The following CHRND variants were observed in gnomAD, a reference collection of about 807,000 sequenced individuals.
CHRND encodes the protein cholinergic receptor nicotinic delta subunit.
In CHRND, 40 loss-of-function variants were observed where a neutral mutation model predicts 57.8. The ratio of observed to expected loss-of-function variants is 0.69; its 90% CI spans 0.54 to 0.90. The LOEUF (loss-of-function observed/expected upper bound fraction) is 0.90, where lower values mean the gene tolerates loss of function less well. CHRND is among the 40% of genes least tolerant of loss of function. The probability of loss-of-function intolerance (pLI) is 0.00; values close to 1 mark genes in which losing one functional copy is unlikely to be tolerated. For synonymous variants in CHRND, 237 were observed against 270.6 expected (o/e 0.88, Z 1.22); for missense variants, 634 against 673.9 (o/e 0.94, Z 0.66).
intron 7 of CHRND, 136 bp downstream of exon 7, chr2:232,530,275 G>T (rs1691640039): frequency 1.1e-6 from 1 of 936,400 alleles, no homozygotes; most frequent in African/African-American, 1.6e-5. Context: ...CTGGATCCAG[G>T]TGTGAGGGCC....
Position 232,528,664 on chromosome 2 carries a change from C to G in CHRND, c.509+8C>G. 6.2e-7 allele frequency: 1 copy of G among 1,613,770 alleles called. No individual in the cohort carries two copies. The highest frequency in any genetic ancestry group is 8.5e-7 in the Non-Finnish European group (1 of 1,180,038). ...CTGCTCCCTCAAGTTCAGGTGTGCC[C>G]TTTTCTCCAGCCACCCCTCACCCCA... On this transcript the variant is annotated splice_region_variant and intron_variant, in intron 5 of 11. Coordinates refer to ENST00000258385, the MANE Select transcript of CHRND (RefSeq NM_000751.3).
chr2:232,528,196 A>G (rs1266428632), intron 3 of CHRND, 66 bp from the exon 4 acceptor site: 1 of 1,444,368 alleles, frequency 6.9e-7, no homozygotes, highest in Non-Finnish European at 9.7e-7. Context: ...TCTCTCAGGG[A>G]AGTGGGGGGA....
rs1198916459 is a variant in CHRND, at chr2:232,531,386, C to G, written c.855C>G (p.Leu285=). Residue 285 remains leucine, a synonymous_variant, in exon 8 of 12, where the codon CTC becomes CTG. Coordinates refer to ENST00000258385, the MANE Select transcript of CHRND (RefSeq NM_000751.3). ...GEKTSVAISV[L]LAQSVFLLLI... ...AGACATCAGTGGCCATCTCGGTGCT[C>G]CTGGCTCAGTCTGTCTTCCTGCTGC... 4 of 1,613,772 alleles carry G rather than the reference C, an allele frequency of 2.5e-6. No homozygotes were observed. In the Admixed American group the frequency reaches 6.7e-5, roughly 27 times the overall value.
Position 232,534,045 on chromosome 2 carries a change from G to T in CHRND, c.1162G>T (p.Glu388Ter), listed in dbSNP as rs145920855. 1 of 1,614,124 alleles carries T rather than the reference G, an allele frequency of 6.2e-7. No homozygotes were observed. The highest frequency in any genetic ancestry group is 8.5e-7 in the Non-Finnish European group (1 of 1,180,042). The change falls in exon 10 of 12, where the codon GAG (glutamate) becomes TAG (stop). Residue 388 changes from glutamate (E) to a stop codon, truncating the protein, a stop_gained. Transcript: ENST00000258385. LOFTEE classifies it high-confidence loss of function. ...SSSLGYISKA[E>*]EYFLLKSRSD... ...CTCCCTGGGATACATCTCCAAGGCC[G>T]AGGAGTACTTCCTGCTCAAGTCCCG...
In CHRND at chr2:232,530,151, G is replaced by C; in HGVS notation, c.820+12G>C. ...CCTACCGGCTGACAGTGAGCCTCCA[G>C]GCCCCGTCCCCTGCTCCCCCTCCCC... On this transcript the variant is annotated intron_variant, in intron 7 of 11. Coordinates refer to ENST00000258385, the MANE Select transcript of CHRND (RefSeq NM_000751.3). 1 of 1,613,696 alleles carries C rather than the reference G, an allele frequency of 6.2e-7. No homozygotes were observed. Among genetic ancestry groups the C allele is most frequent in the Non-Finnish European group, 8.5e-7 (1 of 1,179,846 alleles).
At chr2:232,530,301 G>A (rs1691641775) in intron 7 of CHRND, among the ~76,000 whole-genome samples, 162 bp downstream of exon 7, 1 of 152,196 alleles carries the variant, frequency 6.6e-6, no homozygotes, top group Non-Finnish European at 1.5e-5. Context: ...GCCACCCAGA[G>A]GGAGGGCTGT....
In CHRND at chr2:232,526,674, G is replaced by C; in HGVS notation, c.198G>C (p.Leu66=). The C allele has an allele frequency of 6.2e-7, 1 of 1,613,422 alleles. No individual in the cohort carries two copies. The highest frequency in any genetic ancestry group is 8.5e-7 in the Non-Finnish European group (1 of 1,179,938). ...TCACACTCTCCAACCTCATCTCCCTGGTGAGAGGCCCTCCGGTGCTGGGTT... is the reference window on the plus strand; with the variant it reads ...TCACACTCTCCAACCTCATCTCCCTCGTGAGAGGCCCTCCGGTGCTGGGTT... ...LALTLSNLIS[L]KEVEETLTTN... The change falls in exon 2 of 12, where the codon CTG becomes CTC. Residue 66 remains leucine (L), a splice_region_variant and synonymous_variant. Transcript: ENST00000258385.
In CHRND at chr2:232,534,248, AG is replaced by A. The variant is rs779145422; in HGVS notation, c.1279del (p.Ala427ProfsTer9). Reference sequence around the variant, plus strand: ...GGCCGGCCCCCAGCAAGCTCTGAGCAGGCCCAGCAGGAACTCTTCAATGAGC... The same window carrying A: ...GGCCGGCCCCCAGCAAGCTCTGAGCAGCCCAGCAGGAACTCTTCAATGAGC... ...TARRPPASSE[Q>X]AQQELFNELK... On this transcript the variant is annotated frameshift_variant, in exon 11 of 12. Transcript: ENST00000258385. LOFTEE classifies it high-confidence loss of function. 1.2e-6 allele frequency: 2 copies of A among 1,614,082 alleles called. No homozygotes were observed. The highest frequency in any genetic ancestry group is 1.7e-6 in the Non-Finnish European group (2 of 1,180,036).
At chr2:232,528,752 G>T (rs1691576600) in intron 5 of CHRND, 96 bp downstream of exon 5, 4 of 1,593,556 alleles carry the variant, frequency 2.5e-6, no homozygotes, top group Non-Finnish European at 3.4e-6. Context: ...CCCCTGCCCT[G>T]TCTGGATTAG....
intron 9 of CHRND, among the ~76,000 whole-genome samples, chr2:232,532,754 C>G (rs1450306747): frequency 2.0e-5 from 3 of 152,180 alleles, no homozygotes; most frequent in Non-Finnish European, 4.4e-5. Flanking sequence ...ATCTCTGGGG[C>G]TGGGAGGGTA....
Position 232,535,731 on chromosome 2 carries a change from C to T in CHRND, c.*419C>T. 2.2e-6 allele frequency: 1 copy of T among 459,082 alleles called. No homozygotes were observed. Among genetic ancestry groups the T allele is most frequent in the Non-Finnish European group, 4.3e-6 (1 of 230,360 alleles). 28.4% of individuals were successfully genotyped at this position (459,082 alleles called of 1,614,324 possible). A position where few individuals can be genotyped will look rare whatever the true frequency, so the allele number is the denominator to read the frequency against. On this transcript the variant is annotated 3_prime_UTR_variant, in exon 12 of 12. Coordinates refer to ENST00000258385, the MANE Select transcript of CHRND (RefSeq NM_000751.3). ...GCCCCTCCAGCCTCCCTCTTCCTAC[C>T]TACCCTTCAACCTCAGGCTTCTGAG...
rs77084550 is a variant in CHRND at position 232,526,593 on chromosome 2, C to A, written c.117C>A (p.Asn39Lys). The change falls in exon 2 of 12, where the codon AAC (asparagine) becomes AAA (lysine). Residue 39 changes from asparagine (N) to lysine (K), a missense_variant. Physicochemically the swap from Asn to Lys is moderately conservative, Grantham distance 94. Coordinates refer to ENST00000258385, the MANE Select transcript of CHRND (RefSeq NM_000751.3). ...IRHLFQEKGYNKELRPVAHKE... is the reference protein window; with the variant it reads ...IRHLFQEKGYKKELRPVAHKE... ...ACCTGTTTCAAGAGAAGGGCTACAACAAGGAGCTCCGGCCCGTGGCACACA... is the reference window on the plus strand; with the variant it reads ...ACCTGTTTCAAGAGAAGGGCTACAAAAAGGAGCTCCGGCCCGTGGCACACA... 6.2e-7 allele frequency: 1 copy of A among 1,613,824 alleles called. No individual in the cohort carries two copies. Among genetic ancestry groups the A allele is most frequent in the Admixed American group, 1.7e-5 (1 of 60,030 alleles).
Position 232,530,115 on chromosome 2 carries a change from C to T in CHRND, c.796C>T (p.Leu266=), listed in dbSNP as rs747127762. 6.2e-6 allele frequency: 10 copies of T among 1,614,208 alleles called. 1 individual carries two copies. Among genetic ancestry groups the T allele is most frequent in the Non-Finnish European group, 8.5e-6 (10 of 1,180,044 alleles). The change falls in exon 7 of 12, where the codon CTG becomes TTG. Residue 266 remains leucine, a synonymous_variant. Coordinates refer to ENST00000258385, the MANE Select transcript of CHRND (RefSeq NM_000751.3). The part of the protein sequence containing the change: ...PCVLISFMVN[L]VFYLPADSGE... The stretch of plus-strand genomic sequence containing the variant: ...CGTGCTCATCTCCTTCATGGTCAAC[C>T]TGGTCTTCTACCTACCGGCTGACAG...
rs755141289 is a variant in CHRND, at chr2:232,528,538, G to A, written c.391G>A (p.Val131Met). The change falls in exon 5 of 12, where the codon GTG becomes ATG. Residue 131 changes from valine to methionine, a missense_variant. Physicochemically the swap from Val to Met is conservative, Grantham distance 21. Coordinates refer to ENST00000258385, the MANE Select transcript of CHRND (RefSeq NM_000751.3). The part of the protein sequence containing the change: ...GSFQISYSCN[V>M]LVYHYGFVYW... ...CTTCCAGATCTCCTACTCCTGCAAC[G>A]TGCTTGTCTACCACTACGGCTTCGT... 3.1e-6 allele frequency: 5 copies of A among 1,614,052 alleles called. No individual in the cohort carries two copies. The highest frequency in any genetic ancestry group is 2.2e-5 in the South Asian group (2 of 91,076).
At chr2:232,531,942 G>A in intron 9 of CHRND, among the ~76,000 whole-genome samples, 1 of 74,950 alleles carries the variant, frequency 1.3e-5, no homozygotes, top group Non-Finnish European at 2.2e-5. Context: ...GTGAGACCTT[G>A]TCTCAAAAAA....
At chr2:232,531,520 C>T in intron 8 of CHRND, 22 bp from the exon 9 acceptor site, 3 of 1,613,910 alleles carry the variant, frequency 1.9e-6, no homozygotes, top group Non-Finnish European at 2.5e-6. Flanking sequence ...CTGGGAGCTC[C>T]AAGCTGAGTG....
chr2:232,536,649 G>C lies in CHRND; in HGVS notation c.*1337G>C. ...AGAAACTGTGTGAGATAATAAATGT[G>C]TGTTGTTTTAAGTGACAACGTTTTG... is the stretch of plus-strand genomic sequence containing the variant. On this transcript the variant is annotated 3_prime_UTR_variant, in exon 12 of 12. Coordinates refer to ENST00000258385, the MANE Select transcript of CHRND (RefSeq NM_000751.3). 1 of 356,642 alleles carries C rather than the reference G, an allele frequency of 2.8e-6. No individual in the cohort carries two copies. The highest frequency in any genetic ancestry group is 5.5e-6 in the Non-Finnish European group (1 of 180,576). The allele number at this position is 356,642 out of a possible 1,614,324, so 22.1% of individuals were successfully genotyped here.
Position 232,527,310 on chromosome 2 carries a change from A to AAGAG in CHRND, c.199-70_199-67dup, listed in dbSNP as rs1553573947. 5.4e-4 allele frequency: 489 copies of AAGAG among 913,972 alleles called. 2 individuals are homozygous for AAGAG. The highest frequency in any genetic ancestry group is 6.1e-4 in the Non-Finnish European group (347 of 570,754). 56.6% of individuals were successfully genotyped at this position (913,972 alleles called of 1,614,324 possible). A position where few individuals can be genotyped will look rare whatever the true frequency, so the allele number is the denominator to read the frequency against. ...AATTGAGCAAGACCCTGGAAAAAAA[A>AAGAG]AGAGAGAGAGAGAGAGAGAGAGAGT... is the stretch of plus-strand genomic sequence containing the variant. On this transcript the variant is annotated intron_variant, in intron 2 of 11. Transcript: ENST00000258385.
intron 1 of CHRND, 32 bp from the exon 2 acceptor site, chr2:232,526,497 C>T (rs1691472497): frequency 3.7e-6 from 6 of 1,613,136 alleles, no homozygotes; most frequent in Non-Finnish European, 4.2e-6. Context: ...TGCCCAGGGC[C>T]CCATTCAGTC....
Sources: gnomAD v4.1 joint callset for allele counts (sites outside exome capture counted in the v4.1 genomes callset) on GRCh38, gnomAD v4.1.1 for gene constraint, MANE v1.5 for transcripts, NCBI Gene and HGNC (gene_info 2026-07-23, HGNC 2026-07-21) for gene names.